The following ANGPT4 variants were observed in gnomAD, a reference collection of about 807,000 sequenced individuals.
The protein encoded by ANGPT4 is angiopoietin 4, also known as angiopoietin-4.
A neutral mutation model predicts 53.0 loss-of-function variants in ANGPT4; 50 were observed. The observed-to-expected ratio is 0.94, with a 90% confidence interval of 0.75 to 1.20. The LOEUF (loss-of-function observed/expected upper bound fraction) is 1.20. Among genes scored for constraint, ANGPT4 ranks in the 50% most tolerant of loss-of-function variants. The pLI is 0.00. For synonymous variants in ANGPT4, 251 were observed against 259.7 expected, an observed-to-expected ratio of 0.97 and a Z score of 0.32; for missense variants, 648 against 637.1, an observed-to-expected ratio of 1.02 and a Z score of -0.18.
chr20:890,084 C>G, intron 2 of ANGPT4, 129 bp downstream of exon 2: 2 of 1,162,528 alleles, frequency 1.7e-6, no homozygotes, highest in East Asian at 2.5e-5. Flanking sequence ...AGGAGGGACC[C>G]GGGGGGCTAC....
At chr20:885,560 A>G (rs1250260134) in intron 3 of ANGPT4, among the ~76,000 whole-genome samples, 2 of 152,214 alleles carry the variant, frequency 1.3e-5, no homozygotes, top group Non-Finnish European at 1.5e-5. Flanking sequence ...GGACACCAGC[A>G]ACTGGGTAGC....
In ANGPT4 at chr20:888,357, A is replaced by C. The variant is rs768272587; in HGVS notation, c.548T>G (p.Leu183Arg). ...STNKLENQLL[L>R]QRQKLQQLQG... The stretch of plus-strand genomic sequence containing the variant: ...AAGCTGCTGGAGCTTCTGCCTCTGT[A>C]GCAGCAGCTGGTTCTCCAGCTTGTT... The change falls in exon 3 of 9, where the codon CTA (leucine) becomes CGA (arginine). Residue 183 changes from leucine to arginine, a missense_variant. Physicochemically the swap from Leu to Arg is moderately radical, Grantham distance 102. Transcript: ENST00000381922. 6.2e-7 allele frequency: 1 copy of C among 1,613,854 alleles called. No homozygotes were observed. Among genetic ancestry groups the C allele is most frequent in the East Asian group, 2.2e-5 (1 of 44,852 alleles).
rs572135011 is a variant in ANGPT4, at chr20:878,099, A to G, written c.1220+62T>C. ...AGACTCTGTAGACACTAGCCTGGGG[A>G]CCCCAGCCCGCCCACTAGCTGAAGA... is the stretch of plus-strand genomic sequence containing the variant. On this transcript the variant is annotated intron_variant, in intron 7 of 8. Transcript: ENST00000381922. The G allele has an allele frequency of 8.0e-5, 122 of 1,523,424 alleles. No individual in the cohort carries two copies. The African/African-American group carries it at 1.5e-3, about 19-fold the overall frequency. The allele number at this position is 1,523,424 out of a possible 1,614,324, so 94.4% of individuals were successfully genotyped here.
At chr20:894,884 G>A (rs533287010) in intron 1 of ANGPT4, among the ~76,000 whole-genome samples, 32 of 152,320 alleles carry the variant, frequency 2.1e-4, no homozygotes, top group African/African-American at 7.7e-4. Flanking sequence ...GTCCCCTCAA[G>A]TGACTGGAGC....
At chr20:886,049 G>A (rs536747053) in intron 3 of ANGPT4, among the ~76,000 whole-genome samples, 3 of 151,764 alleles carry the variant, frequency 2.0e-5, no homozygotes, top group Admixed American at 6.5e-5. Flanking sequence ...GGGCAGGATG[G>A]AGGGCCCAAC....
intron 4 of ANGPT4, 56 bp downstream of exon 4, chr20:885,021 TC>T (rs55955946): frequency 0.15 from 238,190 of 1,603,114 alleles, 21,428 homozygotes; most frequent in East Asian, 0.5. Flanking sequence ...GAGCAGGGTC[TC>T]CCCTCCCCTC....
chr20:883,012 G>A (rs376982410), intron 4 of ANGPT4, among the ~76,000 whole-genome samples: 8 of 152,194 alleles, frequency 5.3e-5, no homozygotes, highest in African/African-American at 1.2e-4. Flanking sequence ...AGTTTCCCTC[G>A]CTTTTGTGCA....
chr20:872,208 C>T lies in ANGPT4; in HGVS notation c.*752G>A, dbSNP rs2122743858. 1 of 152,364 alleles carries T rather than the reference C, an allele frequency of 6.6e-6. No homozygotes were observed. Among genetic ancestry groups the T allele is most frequent in the African/African-American group, 2.4e-5 (1 of 41,554 alleles). 9.4% of individuals were successfully genotyped at this position (152,364 alleles called of 1,614,324 possible). The stretch of plus-strand genomic sequence containing the variant: ...AACCTGCTGTTTCCTTTTCTCATTG[C>T]TCATAGGTACTTTTAGAGACAAGCC... On this transcript the variant is annotated 3_prime_UTR_variant, in exon 9 of 9. Transcript: ENST00000381922.
Position 888,386 on chromosome 20 carries a change from G to A in ANGPT4, c.519C>T (p.Ser173=), listed in dbSNP as rs1293440409. The A allele has an allele frequency of 1.9e-6, 3 of 1,613,796 alleles. No individual in the cohort carries two copies. Among genetic ancestry groups the A allele is most frequent in the East Asian group, 4.5e-5 (2 of 44,858 alleles). ...GCAGCTGGTTCTCCAGCTTGTTGGT[G>A]GACAGAAAGGTCTCTGGCATCTGGG... The part of the protein sequence containing the change: ...MDAQMPETFL[S]TNKLENQLLL... The change falls in exon 3 of 9, where the codon TCC becomes TCT. Residue 173 remains serine (S), a synonymous_variant. Transcript: ENST00000381922.
intron 2 of ANGPT4, 123 bp from the exon 3 acceptor site, chr20:888,562 T>C: frequency 6.9e-7 from 1 of 1,448,628 alleles, no homozygotes; most frequent in Non-Finnish European, 9.1e-7. Context: ...CTCCCAGTCG[T>C]AGTTCCTGTG....
At position 877,169 on chromosome 20, in the gene ANGPT4, G is replaced by A. The variant is rs77367334; in HGVS notation, c.1220+992C>T. Among the ~76,000 whole-genome samples, 1,097 of 152,344 alleles carry A rather than the reference G, an allele frequency of 7.2e-3. 13 individuals are homozygous for A. Among genetic ancestry groups the A allele is most frequent in the African/African-American group, 0.025 (1,045 of 41,582 alleles). On this transcript the variant is annotated intron_variant, in intron 7 of 8. Coordinates refer to ENST00000381922, the MANE Select transcript of ANGPT4 (RefSeq NM_015985.4). ...GTGGAATCAGGCATAAAGTTCAGGA[G>A]GACAGAGAGTCATTCAGAGATTCCT...
At chr20:895,684 G>T (rs1982019687) in intron 1 of ANGPT4, among the ~76,000 whole-genome samples, 1 of 152,164 alleles carries the variant, frequency 6.6e-6, no homozygotes, top group Admixed American at 6.5e-5. Context: ...ACATCAATTG[G>T]TGAATGGAGA....
intron 3 of ANGPT4, 68 bp downstream of exon 3, chr20:888,250 G>T: frequency 6.5e-7 from 1 of 1,548,816 alleles, no homozygotes; most frequent in South Asian, 1.2e-5. Flanking sequence ...TCTGGTGCCT[G>T]CCCTAGGTCC....
intron 7 of ANGPT4, among the ~76,000 whole-genome samples, chr20:876,112 C>T (rs1300652538): frequency 1.4e-5 from 2 of 147,266 alleles, no homozygotes; most frequent in Admixed American, 6.8e-5. Flanking sequence ...TGCCACTGCA[C>T]TCCAGCCTGG....
chr20:885,703 A>G (rs1981593223), intron 3 of ANGPT4, among the ~76,000 whole-genome samples: 1 of 152,144 alleles, frequency 6.6e-6, no homozygotes, highest in Non-Finnish European at 1.5e-5. Flanking sequence ...CAACCAACCA[A>G]AAAAGATATA....
intron 8 of ANGPT4, among the ~76,000 whole-genome samples, chr20:873,594 CCT>C (rs1233281945): frequency 2.0e-5 from 3 of 151,786 alleles, no homozygotes; most frequent in Non-Finnish European, 4.4e-5. Flanking sequence ...GGTCTTTGTC[CCT>C]CTCTGCCTTT....
rs370544958 is a variant in ANGPT4, at chr20:878,327, C to G, written c.1054G>C (p.Gly352Arg). 6.9e-6 allele frequency: 11 copies of G among 1,597,540 alleles called. No homozygotes were observed. In the African/African-American group the frequency reaches 1.5e-4, roughly 21 times the overall value. ...TGCTCCCCAGCTGGGTCTCCGAAGC[C>G]CTATAGGGAGGGGAGCGTGGGGTGA... The part of the protein sequence containing the change: ...FQRNWKDYKQ[G>R]FGDPAGEHWL... The change falls in exon 7 of 9, where the codon GGC becomes CGC. Residue 352 changes from glycine (G) to arginine (R), a missense_variant and splice_region_variant. Gly to Arg is a moderately radical substitution (Grantham distance 125, BLOSUM62 -2). Coordinates refer to ENST00000381922, the MANE Select transcript of ANGPT4 (RefSeq NM_015985.4).
Position 885,157 on chromosome 20 carries a change from C to A in ANGPT4, c.756G>T (p.Gln252His). The A allele has an allele frequency of 6.2e-7, 1 of 1,610,208 alleles. No homozygotes were observed. Among genetic ancestry groups the A allele is most frequent in the Non-Finnish European group, 8.5e-7 (1 of 1,178,534 alleles). The part of the protein sequence containing the change: ...RGVRHNSSLL[Q>H]DQQHSLRQLL... ...GCTGGCGCAGGCTGTGCTGCTGGTC[C>A]TGCAGGAGGCTGGAGTTGTGCCTGA... The change falls in exon 4 of 9, where the codon CAG (glutamine) becomes CAT (histidine). Residue 252 changes from glutamine (Q) to histidine (H), a missense_variant. Physicochemically the swap from Gln to His is conservative, Grantham distance 24 (BLOSUM62 0). Coordinates refer to ENST00000381922, the MANE Select transcript of ANGPT4 (RefSeq NM_015985.4).
chr20:902,714 A>T (rs540374332), intron 1 of ANGPT4, among the ~76,000 whole-genome samples: 26 of 151,946 alleles, frequency 1.7e-4, no homozygotes, highest in African/African-American at 2.2e-4. Flanking sequence ...TCAAAAAAAA[A>T]TTTTTTTTTC....
Sources: gnomAD v4.1 joint callset for allele counts (sites outside exome capture counted in the v4.1 genomes callset) on GRCh38, gnomAD v4.1.1 for gene constraint, MANE v1.5 for transcripts, NCBI Gene and HGNC (gene_info 2026-07-23, HGNC 2026-07-21) for gene names.